The following PRICKLE1 variants were observed in gnomAD, a reference collection of about 807,000 sequenced individuals.
PRICKLE1 encodes the protein prickle planar cell polarity protein 1.
PRICKLE1 carries 14 observed loss-of-function variants against 70.2 expected under a neutral mutation model. The observed-to-expected ratio is 0.20, with a 90% CI of 0.13 to 0.31. The LOEUF (loss-of-function observed/expected upper bound fraction) is 0.31. PRICKLE1 is among the 10% of genes least tolerant of loss of function. The probability of loss-of-function intolerance (pLI) is 1.00; values close to 1 mark genes in which losing one functional copy is unlikely to be tolerated. For missense variants in PRICKLE1, 821 were observed against 1,026.2 expected, an observed-to-expected ratio of 0.80 and a Z score of 2.73; for synonymous variants, 357 against 379.9, an observed-to-expected ratio of 0.94 and a Z score of 0.70.
chr12:42,544,750 A>C (rs575837308), intron 1 of PRICKLE1, among the ~76,000 whole-genome samples: 1 of 152,358 alleles, frequency 6.6e-6, no homozygotes, highest in Admixed American at 6.5e-5. Flanking sequence ...AGGGCTAAAA[A>C]GTCTTACAAC....
chr12:42,513,354 T>C (rs1330422615), intron 1 of PRICKLE1, among the ~76,000 whole-genome samples: 2 of 152,208 alleles, frequency 1.3e-5, no homozygotes, highest in East Asian at 3.8e-4. Flanking sequence ...TTTTGTTCAC[T>C]GATGTAGCTC....
chr12:42,529,897 A>AT (rs937895983), intron 1 of PRICKLE1, among the ~76,000 whole-genome samples: 1 of 152,016 alleles, frequency 6.6e-6, no homozygotes, highest in Non-Finnish European at 1.5e-5. Flanking sequence ...TCAAAAAAAA[A>AT]GGAAAAAGGA....
At chr12:42,519,315 G>C (rs536017783) in intron 1 of PRICKLE1, among the ~76,000 whole-genome samples, 18 of 149,068 alleles carry the variant, frequency 1.2e-4, no homozygotes, top group African/African-American at 4.2e-4. Context: ...TCCTGCCTCG[G>C]CCTCCCGAGT....
At chr12:42,542,485 T>G (rs1054272598) in intron 1 of PRICKLE1, among the ~76,000 whole-genome samples, 3 of 152,068 alleles carry the variant, frequency 2.0e-5, no homozygotes, top group African/African-American at 7.2e-5. Flanking sequence ...ACTCCGTCTC[T>G]ACTAAAAATA....
intron 1 of PRICKLE1, among the ~76,000 whole-genome samples, chr12:42,488,334 A>AATATAGG (rs1188875817): frequency 6.6e-6 from 1 of 152,150 alleles, no homozygotes; most frequent in East Asian, 1.9e-4. Flanking sequence ...TGTGTGGGAG[A>AATATAGG]ATATAGGACC....
At chr12:42,570,273 A>C (rs1940685941) in intron 1 of PRICKLE1, among the ~76,000 whole-genome samples, 1 of 152,224 alleles carries the variant, frequency 6.6e-6, no homozygotes, top group Non-Finnish European at 1.5e-5. Context: ...TTTGTGATAA[A>C]ATTCACAGGA....
Position 42,459,256 on chromosome 12 carries a change from G to T in PRICKLE1, c.*553C>A, listed in dbSNP as rs919431022. 8.5e-6 allele frequency: 5 copies of T among 590,128 alleles called. No homozygotes were observed. Among genetic ancestry groups the T allele is most frequent in the South Asian group, 5.5e-5 (3 of 54,924 alleles). 36.6% of individuals were successfully genotyped at this position (590,128 alleles called of 1,614,324 possible). A position where few individuals can be genotyped will look rare whatever the true frequency, so the allele number is the denominator to read the frequency against. The stretch of plus-strand genomic sequence containing the variant: ...TAAGTTATAAATAGCAATGTTTTTT[G>T]TTTTTTTTTTTCAATCTGTAGCTGG... On this transcript the variant is annotated 3_prime_UTR_variant, in exon 8 of 8. Coordinates refer to ENST00000345127, the MANE Select transcript of PRICKLE1 (RefSeq NM_153026.3).
At chr12:42,521,971 T>TGTGTGTGTG (rs1939717211) in intron 1 of PRICKLE1, among the ~76,000 whole-genome samples, 5 of 136,166 alleles carry the variant, frequency 3.7e-5, no homozygotes, top group African/African-American at 1.2e-4. Flanking sequence ...TGTGTGTGTG[T>TGTGTGTGTG]TTAACTTCTT....
chr12:42,582,697 C>CA (rs1592046367), intron 1 of PRICKLE1, among the ~76,000 whole-genome samples: 1 of 152,238 alleles, frequency 6.6e-6, no homozygotes, highest in Admixed American at 6.5e-5. Flanking sequence ...CACTACATAG[C>CA]ACAAGCTTGT....
chr12:42,495,380 C>CA (rs756105644), intron 1 of PRICKLE1, among the ~76,000 whole-genome samples: 825 of 68,890 alleles, frequency 0.012, 3 homozygotes, highest in Middle Eastern at 0.04. Context: ...GACCTTGTCT[C>CA]AAAAAAAAAA....
At chr12:42,522,737 G>T (rs1593153523) in intron 1 of PRICKLE1, among the ~76,000 whole-genome samples, 1 of 152,148 alleles carries the variant, frequency 6.6e-6, no homozygotes, top group East Asian at 1.9e-4. Flanking sequence ...ACAAAGTTTT[G>T]TTTTTTCCAT....
chr12:42,494,889 A>C, intron 1 of PRICKLE1, among the ~76,000 whole-genome samples: 1 of 145,574 alleles, frequency 6.9e-6, no homozygotes. Flanking sequence ...CTTCAGGTTT[A>C]CTTTTTTTTT....
chr12:42,511,745 G>A (rs1401421542), intron 1 of PRICKLE1, among the ~76,000 whole-genome samples: 2 of 152,178 alleles, frequency 1.3e-5, no homozygotes, highest in Non-Finnish European at 2.9e-5. Flanking sequence ...CCACCTAGAT[G>A]CTGGAAGCAG....
intron 1 of PRICKLE1, among the ~76,000 whole-genome samples, chr12:42,566,986 G>T (rs1318543853): frequency 1.3e-5 from 2 of 152,200 alleles, no homozygotes; most frequent in Non-Finnish European, 2.9e-5. Context: ...GAGGGGCAAA[G>T]AGATGATTAT....
chr12:42,466,433 T>C, intron 5 of PRICKLE1, 53 bp from the exon 6 acceptor site: 1 of 1,532,816 alleles, frequency 6.5e-7, no homozygotes, highest in East Asian at 2.2e-5. Context: ...TAGGAACTAT[T>C]TTAAAGGCCA....
intron 1 of PRICKLE1, among the ~76,000 whole-genome samples, chr12:42,564,181 G>A (rs375699538): frequency 7.4e-5 from 11 of 149,222 alleles, no homozygotes; most frequent in East Asian, 2.0e-4. Flanking sequence ...TCGTGAACCC[G>A]GGAGGTGGAG....
Position 42,491,784 on chromosome 12 carries a change from T to A in PRICKLE1, c.-48-19220A>T, listed in dbSNP as rs1252516971. Among the ~76,000 whole-genome samples, 8 of 149,300 alleles carry A rather than the reference T, an allele frequency of 5.4e-5. No individual in the cohort carries two copies. In the South Asian group the frequency reaches 8.6e-4, roughly 16 times the overall value. On this transcript the variant is annotated intron_variant, in intron 1 of 7. Coordinates refer to ENST00000345127, the MANE Select transcript of PRICKLE1 (RefSeq NM_153026.3). The stretch of plus-strand genomic sequence containing the variant: ...AAATAATAGACACTGCTCCATCTTT[T>A]TTTTTTTTTTTTTTTGAGCCGGAGT...
rs551535243 is a variant in PRICKLE1 at position 42,575,245 on chromosome 12, A to G, written c.-49+14220T>C. 6.6e-5 allele frequency among the ~76,000 whole-genome samples: 10 copies of G among 152,354 alleles called. No individual in the cohort carries two copies. The East Asian group carries it at 1.9e-3, about 29-fold the overall frequency. ...AAATGCCATATTTATGAAGGAACAC[A>G]GAGAGCTGTTACTTAGAACCTTAAG... On this transcript the variant is annotated intron_variant, in intron 1 of 7. Transcript: ENST00000345127.
intron 5 of PRICKLE1, 43 bp from the exon 6 acceptor site, chr12:42,466,423 T>A: frequency 6.3e-7 from 1 of 1,583,160 alleles, no homozygotes; most frequent in Non-Finnish European, 8.7e-7. Context: ...AGAAAATCAT[T>A]AGGAACTATT....
Sources: gnomAD v4.1 joint callset for allele counts (sites outside exome capture counted in the v4.1 genomes callset) on GRCh38, gnomAD v4.1.1 for gene constraint, MANE v1.5 for transcripts, NCBI Gene and HGNC (gene_info 2026-07-23, HGNC 2026-07-21) for gene names.